The following WAPL variants were observed in gnomAD, a reference collection of about 807,000 sequenced individuals.
WAPL encodes the protein WAPL cohesin release factor, also known as wings apart-like protein homolog.
Under a neutral mutation model 121.0 loss-of-function variants are expected in WAPL, and 5 were observed. The ratio of observed to expected loss-of-function variants is 0.04; its 90% CI spans 0.02 to 0.09. The LOEUF (loss-of-function observed/expected upper bound fraction) is 0.09, where lower values mean the gene tolerates loss of function less well. Among genes scored for constraint, WAPL ranks in the 10% least tolerant of loss-of-function variants. WAPL has a pLI of 1.00. For synonymous variants in WAPL, 480 were observed against 481.5 expected, an observed-to-expected ratio of 1.00 and a Z score of 0.04; for missense variants, 999 against 1,410.8, an observed-to-expected ratio of 0.71 and a Z score of 4.68.
chr10:86,476,937 T>C (rs1021120285), intron 4 of WAPL, among the ~76,000 whole-genome samples: 9 of 152,190 alleles, frequency 5.9e-5, no homozygotes, highest in African/African-American at 2.2e-4. Flanking sequence ...AAAGGAACTT[T>C]TGGTTATGCT....
chr10:86,455,866 G>A (rs932145929), intron 12 of WAPL, among the ~76,000 whole-genome samples: 12 of 152,052 alleles, frequency 7.9e-5, no homozygotes, highest in South Asian at 4.1e-4. Flanking sequence ...AAAAGAAGGC[G>A]ATATTACTGC....
At chr10:86,452,188 C>T in intron 14 of WAPL, 57 bp from the exon 15 acceptor site, 1 of 1,488,686 alleles carries the variant, frequency 6.7e-7, no homozygotes, top group Non-Finnish European at 9.1e-7. Flanking sequence ...AACAAATGAA[C>T]ACAATATACA....
chr10:86,521,221 G>C, intron 1 of WAPL, 144 bp downstream of exon 1: 1 of 203,256 alleles, frequency 4.9e-6, no homozygotes, highest in Non-Finnish European at 1.0e-5. Flanking sequence ...GAAAAAAAGA[G>C]TTCCTCAGGT....
intron 4 of WAPL, among the ~76,000 whole-genome samples, chr10:86,496,983 G>T (rs376722489): frequency 6.6e-6 from 1 of 152,134 alleles, no homozygotes; most frequent in Admixed American, 6.5e-5. Flanking sequence ...ATAACACCGT[G>T]AAAGTAATGC....
intron 2 of WAPL, among the ~76,000 whole-genome samples, chr10:86,502,620 A>G (rs975212392): frequency 6.6e-6 from 1 of 152,244 alleles, no homozygotes; most frequent in Non-Finnish European, 1.5e-5. Flanking sequence ...ACAAATGTAT[A>G]CATCTGTGTA....
At chr10:86,519,723 T>A (rs1458819504) in intron 1 of WAPL, among the ~76,000 whole-genome samples, 3 of 152,216 alleles carry the variant, frequency 2.0e-5, no homozygotes, top group Non-Finnish European at 4.4e-5. Flanking sequence ...ATCGATTCTC[T>A]GTTCCTTCAA....
chr10:86,462,347 C>T (rs1047585026), intron 9 of WAPL, among the ~76,000 whole-genome samples: 1 of 152,102 alleles, frequency 6.6e-6, no homozygotes, highest in South Asian at 2.1e-4. Flanking sequence ...ATACAAATAA[C>T]AGATATTACC....
chr10:86,476,569 G>A (rs1331850436), intron 4 of WAPL, among the ~76,000 whole-genome samples: 1 of 151,292 alleles, frequency 6.6e-6, no homozygotes, highest in Non-Finnish European at 1.5e-5. Context: ...AGTAACTGCA[G>A]TACCAGCTAC....
rs781101111 is a variant in WAPL, at chr10:86,458,940, TTAAAA to T, written c.2657+44_2657+48del. 14 of 1,476,570 alleles carry T rather than the reference TTAAAA, an allele frequency of 9.5e-6. No individual in the cohort carries two copies. The South Asian group carries it at 1.3e-4, about 14-fold the overall frequency. The allele number at this position is 1,476,570 out of a possible 1,614,324, so 91.5% of individuals were successfully genotyped here. Reference sequence around the variant, plus strand: ...TTTCATTTATGGTCAATCCAAATGTTTAAAATAAGTAACAATGTTAGTTGTTAACT... The same window carrying T: ...TTTCATTTATGGTCAATCCAAATGTTTAAGTAACAATGTTAGTTGTTAACT... On this transcript the variant is annotated intron_variant, in intron 12 of 18. Coordinates refer to ENST00000298767, the MANE Select transcript of WAPL (RefSeq NM_015045.5).
At chr10:86,515,789 A>G (rs773556331) in intron 2 of WAPL, among the ~76,000 whole-genome samples, 4 of 152,020 alleles carry the variant, frequency 2.6e-5, no homozygotes, top group Non-Finnish European at 5.9e-5. Context: ...CTCAAAAAAA[A>G]AAGTTTGATG....
intron 1 of WAPL, among the ~76,000 whole-genome samples, chr10:86,520,033 C>T (rs773330281): frequency 1.3e-5 from 2 of 152,194 alleles, no homozygotes; most frequent in African/African-American, 2.4e-5. Flanking sequence ...CGGCAGGTCA[C>T]GCCTGTAATT....
chr10:86,443,446 T>G (rs1849524260), intron 16 of WAPL, 83 bp from the exon 17 acceptor site: 1 of 1,178,566 alleles, frequency 8.5e-7, no homozygotes, highest in African/African-American at 1.5e-5. Flanking sequence ...TAGTTATCTT[T>G]ACTTTAAAAC....
intron 2 of WAPL, among the ~76,000 whole-genome samples, chr10:86,506,832 ACTT>A (rs1454513008): frequency 6.6e-6 from 1 of 151,784 alleles, no homozygotes; most frequent in Admixed American, 6.6e-5. Flanking sequence ...TCTTTCTACC[ACTT>A]CTTTGCCCTA....
intron 17 of WAPL, among the ~76,000 whole-genome samples, chr10:86,442,397 A>T (rs1226079705): frequency 6.6e-6 from 1 of 152,192 alleles, no homozygotes; most frequent in Non-Finnish European, 1.5e-5. Context: ...CAAGTATTTT[A>T]AAGTTTTTAA....
chr10:86,516,424 T>C (rs2353813), intron 2 of WAPL, among the ~76,000 whole-genome samples: 146,476 of 152,312 alleles, frequency 0.96, 70,578 homozygotes, highest in East Asian at 1. Flanking sequence ...AGGACAAATT[T>C]GCCTTAAGAA....
intron 4 of WAPL, among the ~76,000 whole-genome samples, chr10:86,483,784 A>AAAAT (rs1554829982): frequency 2.3e-5 from 3 of 131,424 alleles, no homozygotes; most frequent in African/African-American, 5.7e-5. Context: ...AAAAAAAAAA[A>AAAAT]TTTTTTTTTC....
chr10:86,481,498 C>T (rs1165981627), intron 4 of WAPL, among the ~76,000 whole-genome samples: 2 of 152,084 alleles, frequency 1.3e-5, no homozygotes, highest in Admixed American at 6.6e-5. Flanking sequence ...CTCAGCCTCC[C>T]GAGTAGCTGG....
At chr10:86,456,331 T>C (rs1419698985) in intron 12 of WAPL, among the ~76,000 whole-genome samples, 3 of 149,004 alleles carry the variant, frequency 2.0e-5, no homozygotes, top group African/African-American at 7.5e-5. Flanking sequence ...TGCATGATGA[T>C]CAGAATAAAA....
chr10:86,508,105 C>A (rs1842387392), intron 2 of WAPL, among the ~76,000 whole-genome samples: 1 of 152,120 alleles, frequency 6.6e-6, no homozygotes, highest in African/African-American at 2.4e-5. Flanking sequence ...TTTAGTGACA[C>A]CAACTTCAAC....
Sources: allele counts gnomAD v4.1 joint callset (sites outside exome capture counted in the v4.1 genomes callset), GRCh38; gene constraint gnomAD v4.1.1; transcripts MANE v1.5; gene names NCBI Gene and HGNC (gene_info 2026-07-23, HGNC 2026-07-21).